The following CTNNA1 variants were observed in gnomAD, a reference collection of about 807,000 sequenced individuals.
CTNNA1 encodes catenin alpha 1.
Under a neutral mutation model 98.4 loss-of-function variants are expected in CTNNA1, and 37 were observed. That is an observed-to-expected ratio of 0.38 (90% CI 0.29 to 0.49). The LOEUF (loss-of-function observed/expected upper bound fraction) is 0.49, where lower values mean the gene tolerates loss of function less well. CTNNA1 is among the 20% of genes least tolerant of loss of function. CTNNA1 has a pLI of 0.95. For synonymous variants in CTNNA1, 404 were observed against 413.2 expected (o/e 0.98, Z 0.27); for missense variants, 761 against 1,147.2 (o/e 0.66, Z 4.86).
chr5:138,915,706 T>C (rs1761586440), intron 10 of CTNNA1, among the ~76,000 whole-genome samples: 1 of 152,214 alleles, frequency 6.6e-6, no homozygotes, highest in Admixed American at 6.5e-5. Flanking sequence ...CATGGTAATA[T>C]AACAGAATCT....
intron 7 of CTNNA1, among the ~76,000 whole-genome samples, chr5:138,840,577 G>A (rs1762190792): frequency 6.6e-6 from 1 of 152,120 alleles, no homozygotes; most frequent in African/African-American, 2.4e-5. Flanking sequence ...ATAAAAAATC[G>A]ATTTATTAAA....
chr5:138,840,038 A>AC (rs1410401363), intron 7 of CTNNA1, among the ~76,000 whole-genome samples: 1 of 152,244 alleles, frequency 6.6e-6, no homozygotes, highest in African/African-American at 2.4e-5. Flanking sequence ...TGGGGTCATT[A>AC]ATAGCTGCCC....
chr5:138,906,017 T>G (rs1443073666), intron 10 of CTNNA1, among the ~76,000 whole-genome samples: 1 of 152,080 alleles, frequency 6.6e-6, no homozygotes, highest in Non-Finnish European at 1.5e-5. Flanking sequence ...TGACTATTAT[T>G]TGGCTTTTTT....
chr5:138,775,945 C>T (rs1282680929), intron 1 of CTNNA1, among the ~76,000 whole-genome samples: 2 of 150,486 alleles, frequency 1.3e-5, no homozygotes, highest in East Asian at 3.9e-4. Context: ...GCAGGATGGT[C>T]TCGATCTCCT....
intron 7 of CTNNA1, among the ~76,000 whole-genome samples, chr5:138,845,337 C>T (rs1561586230): frequency 6.6e-6 from 1 of 152,088 alleles, no homozygotes; most frequent in Non-Finnish European, 1.5e-5. Flanking sequence ...GCTGAGAATC[C>T]GGTGAATCAA....
intron 7 of CTNNA1, among the ~76,000 whole-genome samples, chr5:138,862,518 A>C (rs1438046643): frequency 6.6e-6 from 1 of 152,224 alleles, no homozygotes; most frequent in Non-Finnish European, 1.5e-5. Context: ...ATATAATTTT[A>C]CTGAACAAGG....
rs1765627973 is a variant in CTNNA1 at position 138,932,689 on chromosome 5, G to C, written c.2410G>C (p.Gly804Arg). ...SKVKAEVQNL[G>R]GELVVSGVDS... Reference sequence around the variant, plus strand: ...GGTCAAGGCCGAGGTGCAGAATCTCGGCGGGGAGCTTGTTGTCTCTGGGGT... The same window carrying C: ...GGTCAAGGCCGAGGTGCAGAATCTCCGCGGGGAGCTTGTTGTCTCTGGGGT... Residue 804 changes from glycine (G) to arginine (R), a missense_variant, in exon 17 of 18, where the codon GGC (glycine) becomes CGC (arginine). This residue lies in a region of CTNNA1 where 12 missense variants were observed against 47.3 expected (regional missense o/e 0.25). Coordinates refer to ENST00000302763, the MANE Select transcript of CTNNA1 (RefSeq NM_001903.5). 2 of 1,614,178 alleles carry C rather than the reference G, an allele frequency of 1.2e-6. No individual in the cohort carries two copies. Among genetic ancestry groups the C allele is most frequent in the Non-Finnish European group, 1.7e-6 (2 of 1,180,046 alleles).
In CTNNA1 at chr5:138,762,645, T is replaced by C. The variant is rs1752493617; in HGVS notation, c.-3+9135T>C. On this transcript the variant is annotated intron_variant, in intron 1 of 17. Coordinates refer to ENST00000302763, the MANE Select transcript of CTNNA1 (RefSeq NM_001903.5). Reference sequence around the variant, plus strand: ...TTGATTGGGATTTAATTTGTGGTTTTTTTTTTTTACCAGCTGTAAGTTTGG... The same window carrying C: ...TTGATTGGGATTTAATTTGTGGTTTCTTTTTTTTACCAGCTGTAAGTTTGG... Among the ~76,000 whole-genome samples the C allele has an allele frequency of 2.0e-5, 3 of 152,094 alleles. No homozygotes were observed. In the South Asian group the frequency reaches 6.2e-4, roughly 31 times the overall value.
At chr5:138,854,540 A>G (rs2149858395) in intron 7 of CTNNA1, among the ~76,000 whole-genome samples, 2 of 152,370 alleles carry the variant, frequency 1.3e-5, no homozygotes, top group Middle Eastern at 6.8e-3. Context: ...AGGACAGAAC[A>G]GTTCAACAGA....
rs1751215936 is a variant in CTNNA1, at chr5:138,753,451, C to G, written c.-62C>G. 4 of 376,080 alleles carry G rather than the reference C, an allele frequency of 1.1e-5. No individual in the cohort carries two copies. The highest frequency in any genetic ancestry group is 9.5e-6 in the Non-Finnish European group (2 of 211,590). The allele number at this position is 376,080 out of a possible 1,614,324, so 23.3% of individuals were successfully genotyped here. ...TCCTCCTAGCCGGACTGGAGGGAGACAAAGCAGCGCCCGTCTGCTTCGGGC... is the reference window on the plus strand; with the variant it reads ...TCCTCCTAGCCGGACTGGAGGGAGAGAAAGCAGCGCCCGTCTGCTTCGGGC... On this transcript the variant is annotated 5_prime_UTR_variant, in exon 1 of 18. Coordinates refer to ENST00000302763, the MANE Select transcript of CTNNA1 (RefSeq NM_001903.5).
intron 9 of CTNNA1, among the ~76,000 whole-genome samples, chr5:138,891,006 A>G (rs1755226064): frequency 6.6e-6 from 1 of 152,244 alleles, no homozygotes; most frequent in Admixed American, 6.5e-5. Context: ...CTGCAGAGTC[A>G]TAAACACCAC....
chr5:138,804,302 T>A (rs1581081968), intron 3 of CTNNA1, among the ~76,000 whole-genome samples: 1 of 152,322 alleles, frequency 6.6e-6, no homozygotes, highest in African/African-American at 2.4e-5. Flanking sequence ...TTCCTTTGTG[T>A]TTTTTGAGCT....
At chr5:138,772,547 T>C (rs1161734022) in intron 1 of CTNNA1, among the ~76,000 whole-genome samples, 1 of 152,190 alleles carries the variant, frequency 6.6e-6, no homozygotes, top group Admixed American at 6.5e-5. Context: ...TTGGGAGGCT[T>C]GTAAATATTT....
chr5:138,761,095 C>A (rs1172862154), intron 1 of CTNNA1, among the ~76,000 whole-genome samples: 1 of 152,192 alleles, frequency 6.6e-6, no homozygotes, highest in Non-Finnish European at 1.5e-5. Flanking sequence ...AGTTGATGCC[C>A]ACTTAGCTCT....
At chr5:138,840,073 A>C (rs1762146773) in intron 7 of CTNNA1, among the ~76,000 whole-genome samples, 1 of 152,262 alleles carries the variant, frequency 6.6e-6, no homozygotes, top group Non-Finnish European at 1.5e-5. Flanking sequence ...GTTAAAATGC[A>C]CAGAGAATCT....
chr5:138,810,058 G>A lies in CTNNA1; in HGVS notation c.322G>A (p.Ala108Thr). ...AACAGGTGATTTGATGAAGGCTGCT[G>A]CAGGAGAGTTCGCAGATGATCCCTG... Reference protein sequence around the residue: ...RKQGDLMKAAAGEFADDPCSS... With the variant: ...RKQGDLMKAATGEFADDPCSS... Residue 108 changes from alanine to threonine, a missense_variant, in exon 4 of 18, where the codon GCA becomes ACA. Around this residue, in one of 6 missense-constraint regions of CTNNA1, gnomAD observed 328 missense variants for 354.3 expected, o/e 0.93. Coordinates refer to ENST00000302763, the MANE Select transcript of CTNNA1 (RefSeq NM_001903.5). 6.2e-7 allele frequency: 1 copy of A among 1,612,156 alleles called. No individual in the cohort carries two copies. The highest frequency in any genetic ancestry group is 8.5e-7 in the Non-Finnish European group (1 of 1,178,304).
At chr5:138,895,504 G>A (rs570934251) in intron 9 of CTNNA1, among the ~76,000 whole-genome samples, 2 of 63,268 alleles carry the variant, frequency 3.2e-5, no homozygotes, top group Non-Finnish European at 6.4e-5. Flanking sequence ...GCAGTTTTTT[G>A]GGGGGGGGGA....
At chr5:138,923,881 A>G (rs1580848984) in intron 11 of CTNNA1, among the ~76,000 whole-genome samples, 1 of 152,226 alleles carries the variant, frequency 6.6e-6, no homozygotes. Context: ...CATCAGCTTC[A>G]TAGGAGTCAG....
intron 3 of CTNNA1, among the ~76,000 whole-genome samples, chr5:138,788,826 C>T (rs780006819): frequency 6.6e-6 from 1 of 152,130 alleles, no homozygotes; most frequent in Non-Finnish European, 1.5e-5. Flanking sequence ...GGAACAGCTT[C>T]TTACTAGAAC....
Sources: gnomAD v4.1 joint callset for allele counts (sites outside exome capture counted in the v4.1 genomes callset) on GRCh38, gnomAD v4.1.1 for gene constraint, gnomAD v4.1.1 regional missense constraint, MANE v1.5 for transcripts, NCBI Gene and HGNC (gene_info 2026-07-23, HGNC 2026-07-21) for gene names.